NEXN: variants seen among roughly 807,000 people sequenced by gnomAD.
NEXN encodes the protein nexilin.
A neutral mutation model predicts 92.6 loss-of-function variants in NEXN; 65 were observed. That is an observed-to-expected ratio of 0.70 (90% confidence interval 0.57 to 0.86). The LOEUF is 0.86. Among genes scored for constraint, NEXN ranks in the 40% least tolerant of loss-of-function variants. The pLI is 0.00. For missense variants in NEXN, 778 were observed against 771.1 expected (o/e 1.01, Z -0.11); for synonymous variants, 254 against 242.5 (o/e 1.05, Z -0.44).
At position 77,935,984 on chromosome 1, in the gene NEXN, A is replaced by G. The variant is rs780858511; in HGVS notation, c.1413A>G (p.Arg471=). 5 of 1,614,040 alleles carry G rather than the reference A, an allele frequency of 3.1e-6. No individual in the cohort carries two copies. In the East Asian group the frequency reaches 8.9e-5, roughly 29 times the overall value. ...TACAGAAAAAAATAGAAGAAGAGCG[A>G]GCAAGAAGGAGAGCAATTGACCTTG... is the stretch of plus-strand genomic sequence containing the variant. ...KEIQKKIEEE[R]ARRRAIDLEI... Residue 471 remains arginine (R), a synonymous_variant, in exon 11 of 13, where the codon CGA becomes CGG. Transcript: ENST00000334785.
At position 77,942,516 on chromosome 1, in the gene NEXN, A is replaced by T. The variant is rs1651454787; in HGVS notation, c.1715A>T (p.Glu572Val). The T allele has an allele frequency of 6.2e-7, 1 of 1,613,846 alleles. No individual in the cohort carries two copies. ...AGCATCATGAATGGCTCCACTGCTGAAGATGAAGAGCAAACCAGATCAGGA... is the reference window on the plus strand; with the variant it reads ...AGCATCATGAATGGCTCCACTGCTGTAGATGAAGAGCAAACCAGATCAGGA... Reference protein sequence around the residue: ...EGSIMNGSTAEDEEQTRSGAP... With the variant: ...EGSIMNGSTAVDEEQTRSGAP... The change falls in exon 13 of 13, where the codon GAA becomes GTA. Residue 572 changes from glutamate (E) to valine (V), a missense_variant. Around this residue, in one of 3 missense-constraint regions of NEXN, gnomAD observed 532 missense variants for 476.7 expected, o/e 1.12. Transcript: ENST00000334785.
rs772807288 is a variant in NEXN at position 77,933,506 on chromosome 1, C to T, written c.1251+27C>T. 7 of 1,444,584 alleles carry T rather than the reference C, an allele frequency of 4.8e-6. No individual in the cohort carries two copies. The South Asian group carries it at 5.8e-5, about 12-fold the overall frequency. The allele number at this position is 1,444,584 out of a possible 1,614,324, so 89.5% of individuals were successfully genotyped here. On this transcript the variant is annotated intron_variant, in intron 10 of 12. Transcript: ENST00000334785. ...TAAGATTTTAAGAAATATCTATATTCCCCATATTTATTAAGCTAAATATTT... is the reference window on the plus strand; with the variant it reads ...TAAGATTTTAAGAAATATCTATATTTCCCATATTTATTAAGCTAAATATTT...
intron 5 of NEXN, among the ~76,000 whole-genome samples, chr1:77,921,406 A>C (rs1414503671): frequency 6.6e-6 from 1 of 152,186 alleles, no homozygotes; most frequent in African/African-American, 2.4e-5. Context: ...TCTTTTCTAT[A>C]TTCTCAATGT....
intron 5 of NEXN, among the ~76,000 whole-genome samples, 153 bp from the exon 6 acceptor site, chr1:77,925,035 A>G (rs577464297): frequency 6.6e-6 from 1 of 152,334 alleles, no homozygotes; most frequent in Non-Finnish European, 1.5e-5. Context: ...TAAAGGATAT[A>G]TTTGGCTAAT....
At position 77,933,344 on chromosome 1, in the gene NEXN, A is replaced by G. The variant is rs1557988207; in HGVS notation, c.1116A>G (p.Gly372=). 1.2e-6 allele frequency: 2 copies of G among 1,611,084 alleles called. No individual in the cohort carries two copies. The highest frequency in any genetic ancestry group is 2.2e-5 in the East Asian group (1 of 44,826). Residue 372 remains glycine (G), a synonymous_variant, in exon 10 of 13, where the codon GGA becomes GGG. Coordinates refer to ENST00000334785, the MANE Select transcript of NEXN (RefSeq NM_144573.4). ...TCTCTCAAGAATTTCTTACACCGGGAAAACTGGAAATTAATTTTGAAGAAT... is the reference window on the plus strand; with the variant it reads ...TCTCTCAAGAATTTCTTACACCGGGGAAACTGGAAATTAATTTTGAAGAAT... ...KTISQEFLTP[G]KLEINFEELL...
In NEXN at chr1:77,931,648, CA is replaced by C. The variant is rs564854380; in HGVS notation, c.1054-1633del. ...CTTACATTTATATTGTTTTCTTATC[CA>C]CAAATAAGTATTGTAATTTATCCAG... On this transcript the variant is annotated intron_variant, in intron 9 of 12. Transcript: ENST00000334785. The C allele has an allele frequency of 9.9e-5, 15 of 152,170 alleles. 1 individual carries two copies. In the South Asian group the frequency reaches 2.3e-3, roughly 23 times the overall value. The allele number at this position is 152,170 out of a possible 1,614,324, so 9.4% of individuals were successfully genotyped here. A position where few individuals can be genotyped will look rare whatever the true frequency, so the allele number is the denominator to read the frequency against.
chr1:77,934,753 C>A (rs1226985397), intron 10 of NEXN, among the ~76,000 whole-genome samples: 2 of 152,230 alleles, frequency 1.3e-5, no homozygotes, highest in Non-Finnish European at 2.9e-5. Context: ...AGGCCACACA[C>A]ATGAACAGGG....
chr1:77,931,788 G>C (rs1194773473), intron 9 of NEXN: 1 of 152,138 alleles, frequency 6.6e-6, no homozygotes, highest in African/African-American at 2.4e-5. Context: ...AGTTGAAATA[G>C]TTCTGTGGTA....
chr1:77,936,912 CATT>C (rs1315769628), intron 11 of NEXN, among the ~76,000 whole-genome samples: 2 of 152,120 alleles, frequency 1.3e-5, no homozygotes, highest in Non-Finnish European at 1.5e-5. Flanking sequence ...ATAAGCAATT[CATT>C]ATTATTGAGG....
At chr1:77,939,954 A>G (rs936488583) in intron 11 of NEXN, among the ~76,000 whole-genome samples, 1 of 152,122 alleles carries the variant, frequency 6.6e-6, no homozygotes, top group Non-Finnish European at 1.5e-5. Flanking sequence ...GACGCCTATA[A>G]TCCCAGCTAC....
intron 8 of NEXN, 34 bp downstream of exon 8, chr1:77,926,926 T>C (rs759828817): frequency 6.2e-7 from 1 of 1,612,596 alleles, no homozygotes; most frequent in South Asian, 1.1e-5. Context: ...ACAATTAATA[T>C]TAATGAAGTT....
chr1:77,931,822 C>G (rs890393179), intron 9 of NEXN: 2 of 152,184 alleles, frequency 1.3e-5, no homozygotes, highest in Admixed American at 1.3e-4. Flanking sequence ...CTTGATAAAA[C>G]TTGGAGCAAA....
intron 1 of NEXN, among the ~76,000 whole-genome samples, chr1:77,911,340 C>T (rs1648559941): frequency 6.6e-6 from 1 of 152,144 alleles, no homozygotes; most frequent in African/African-American, 2.4e-5. Flanking sequence ...GCCTGTAATC[C>T]CAACACTTTC....
intron 9 of NEXN, chr1:77,931,653 A>G (rs1571146937): frequency 6.6e-6 from 1 of 152,188 alleles, no homozygotes; most frequent in Non-Finnish European, 1.5e-5. Flanking sequence ...TTATCCACAA[A>G]TAAGTATTGT....
chr1:77,908,371 AC>A (rs1340203194), intron 1 of NEXN, among the ~76,000 whole-genome samples: 11 of 52,016 alleles, frequency 2.1e-4, no homozygotes, highest in Non-Finnish European at 3.1e-4. Context: ...CACTGCACCC[AC>A]CCCCACCCCT....
rs563775524 is a variant in NEXN at position 77,923,258 on chromosome 1, A to G, written c.448-1930A>G. ...AATCGGCCTGCCTCAGCCTCCCAAA[A>G]TGCTGTGTTTACAGGCATGAGCCAC... is the stretch of plus-strand genomic sequence containing the variant. On this transcript the variant is annotated intron_variant, in intron 5 of 12. Transcript: ENST00000334785. 8.0e-5 allele frequency among the ~76,000 whole-genome samples: 12 copies of G among 150,886 alleles called. No homozygotes were observed. In the East Asian group the frequency reaches 2.3e-3, roughly 29 times the overall value.
chr1:77,917,666 A>T lies in NEXN; in HGVS notation c.128A>T (p.Glu43Val). The T allele has an allele frequency of 6.2e-7, 1 of 1,613,176 alleles. No individual in the cohort carries two copies. Among genetic ancestry groups the T allele is most frequent in the Non-Finnish European group, 8.5e-7 (1 of 1,179,402 alleles). ...TTTGAAGCCATGCAGAGAGCCAGGG[A>T]AGAAAGAAATCAAAGGAGATCTAGA... ...DKFEAMQRAR[E>V]ERNQRRSRDE... The change falls in exon 3 of 13, where the codon GAA (glutamate) becomes GTA (valine). Residue 43 changes from glutamate to valine, a missense_variant. Physicochemically the swap from Glu to Val is moderately radical, Grantham distance 121. Transcript: ENST00000334785.
rs773636423 is a variant in NEXN, at chr1:77,941,983, G to C, written c.1474-40G>C. On this transcript the variant is annotated intron_variant, in intron 11 of 12. Transcript: ENST00000334785. ...AACTAGTAACGCTTCTTTGTTTTTA[G>C]AAGGCAAGCAATTGTTAATCTTGGC... 7 of 1,592,230 alleles carry C rather than the reference G, an allele frequency of 4.4e-6. No individual in the cohort carries two copies. The African/African-American group carries it at 8.1e-5, about 18-fold the overall frequency.
intron 1 of NEXN, among the ~76,000 whole-genome samples, chr1:77,906,400 C>T (rs1648114735): frequency 6.6e-6 from 1 of 152,064 alleles, no homozygotes; most frequent in Non-Finnish European, 1.5e-5. Context: ...AGTGCTTCTT[C>T]CACCGTCAAT....
Sources: allele counts gnomAD v4.1 joint callset (sites outside exome capture counted in the v4.1 genomes callset), GRCh38; gene constraint gnomAD v4.1.1; regional missense constraint gnomAD v4.1.1; transcripts MANE v1.5; gene names NCBI Gene and HGNC (gene_info 2026-07-23, HGNC 2026-07-21).